TMEM178B: variants seen among roughly 807,000 people sequenced by gnomAD.
The protein encoded by TMEM178B is transmembrane protein 178B.
Under a neutral mutation model 31.0 loss-of-function variants are expected in TMEM178B, and 5 were observed. The observed-to-expected ratio is 0.16, with a 90% CI of 0.08 to 0.34. TMEM178B has a LOEUF of 0.34. Among genes scored for constraint, TMEM178B ranks in the 10% least tolerant of loss-of-function variants. TMEM178B has a pLI of 1.00. For synonymous variants in TMEM178B, 164 were observed against 164.0 expected, an observed-to-expected ratio of 1.00 and a Z score of 0.00; for missense variants, 275 against 400.3, an observed-to-expected ratio of 0.69 and a Z score of 2.67.
chr7:141,320,353 A>G (rs1232464133), intron 2 of TMEM178B, among the ~76,000 whole-genome samples: 2 of 152,226 alleles, frequency 1.3e-5, no homozygotes, highest in Non-Finnish European at 2.9e-5. Flanking sequence ...TTCATAACAC[A>G]TTGGCCATTA....
chr7:141,294,932 A>G (rs1331469520), intron 2 of TMEM178B, among the ~76,000 whole-genome samples: 1 of 152,074 alleles, frequency 6.6e-6, no homozygotes, highest in East Asian at 1.9e-4. Flanking sequence ...TCAGGCAAAC[A>G]TGGGCCCTTT....
At chr7:141,185,976 G>A (rs1261626746) in intron 1 of TMEM178B, among the ~76,000 whole-genome samples, 5 of 152,140 alleles carry the variant, frequency 3.3e-5, no homozygotes, top group Middle Eastern at 3.4e-3. Context: ...GTCCTTGATC[G>A]GCTCCTCCTG....
At chr7:141,356,047 T>C (rs1799812399) in intron 2 of TMEM178B, among the ~76,000 whole-genome samples, 1 of 152,252 alleles carries the variant, frequency 6.6e-6, no homozygotes, top group African/African-American at 2.4e-5. Flanking sequence ...CATGATTTCA[T>C]GCTTTTTTAT....
At chr7:141,435,418 C>T (rs925146460) in intron 2 of TMEM178B, among the ~76,000 whole-genome samples, 1 of 152,174 alleles carries the variant, frequency 6.6e-6, no homozygotes, top group Non-Finnish European at 1.5e-5. Context: ...AGTAGAGTAT[C>T]CCATTTCCAG....
chr7:141,352,402 GAGT>G (rs1799747304), intron 2 of TMEM178B: 1 of 145,336 alleles, frequency 6.9e-6, no homozygotes, highest in African/African-American at 2.6e-5. Flanking sequence ...TTTTGAGACC[GAGT>G]CTCACTCTGT....
chr7:141,098,028 G>A (rs148524349), intron 1 of TMEM178B, among the ~76,000 whole-genome samples: 68 of 152,092 alleles, frequency 4.5e-4, no homozygotes, highest in African/African-American at 1.6e-3. Flanking sequence ...CTGGGCTCAA[G>A]TGATCCACCT....
intron 1 of TMEM178B, among the ~76,000 whole-genome samples, chr7:141,089,227 G>T (rs950139693): frequency 6.6e-6 from 1 of 152,228 alleles, no homozygotes; most frequent in Non-Finnish European, 1.5e-5. Flanking sequence ...TGGTATTTGG[G>T]GATGAGGGGA....
the TMEM178B span, among the ~76,000 whole-genome samples, chr7:141,492,144 A>G: frequency 1.3e-5 from 2 of 152,054 alleles, no homozygotes; most frequent in Admixed American, 1.3e-4. Context: ...ACACCACCTC[A>G]GTCTAATTCC....
chr7:141,296,229 G>A (rs952449998), intron 2 of TMEM178B, among the ~76,000 whole-genome samples: 6 of 152,054 alleles, frequency 3.9e-5, no homozygotes, highest in Non-Finnish European at 7.4e-5. Flanking sequence ...CATCACGCTC[G>A]TCTAATTTTT....
intron 2 of TMEM178B, among the ~76,000 whole-genome samples, chr7:141,260,689 A>C (rs1797999667): frequency 6.6e-6 from 1 of 152,264 alleles, no homozygotes. Flanking sequence ...TTTTACTTGA[A>C]GATTTGGAGT....
chr7:141,184,130 A>T (rs1356769888), intron 1 of TMEM178B, among the ~76,000 whole-genome samples: 1 of 152,252 alleles, frequency 6.6e-6, no homozygotes, highest in Non-Finnish European at 1.5e-5. Context: ...CAATGAGAAC[A>T]GCAATTGGTT....
intron 3 of TMEM178B, among the ~76,000 whole-genome samples, chr7:141,462,147 T>C (rs542895252): frequency 9.9e-4 from 151 of 152,270 alleles, no homozygotes; most frequent in African/African-American, 3.4e-3. Flanking sequence ...GGGTAGCCAA[T>C]TGGACTCTCT....
At chr7:141,372,951 G>A (rs1800145750) in intron 2 of TMEM178B, among the ~76,000 whole-genome samples, 1 of 152,184 alleles carries the variant, frequency 6.6e-6, no homozygotes, top group African/African-American at 2.4e-5. Flanking sequence ...ATGGAAAAAA[G>A]GAGAGGGAAA....
intron 2 of TMEM178B, among the ~76,000 whole-genome samples, chr7:141,303,090 G>A (rs1798755138): frequency 6.6e-6 from 1 of 152,150 alleles, no homozygotes; most frequent in African/African-American, 2.4e-5. Context: ...TTGCAACTAG[G>A]TTCTTTCTCG....
At position 141,140,234 on chromosome 7, in the gene TMEM178B, G is replaced by A. The variant is rs553718170; in HGVS notation, c.382+65542G>A. Among the ~76,000 whole-genome samples, 5 of 152,264 alleles carry A rather than the reference G, an allele frequency of 3.3e-5. No individual in the cohort carries two copies. The East Asian group carries it at 9.7e-4, about 29-fold the overall frequency. On this transcript the variant is annotated intron_variant, in intron 1 of 3. Transcript: ENST00000565468. ...CTGCCAAGGTCCTTCCTGCCAGAGG[G>A]CCTTTGCATGAACTGTTTCCGAAGA...
At chr7:141,167,730 C>G (rs1688443233) in intron 1 of TMEM178B, among the ~76,000 whole-genome samples, 1 of 152,184 alleles carries the variant, frequency 6.6e-6, no homozygotes, top group African/African-American at 2.4e-5. Flanking sequence ...GATTCTGAGG[C>G]TGCTCTACCC....
chr7:141,413,680 T>G (rs1801044558), intron 2 of TMEM178B, among the ~76,000 whole-genome samples: 1 of 152,246 alleles, frequency 6.6e-6, no homozygotes, highest in East Asian at 1.9e-4. Flanking sequence ...AATGCCTCCA[T>G]GGAAGGACAG....
chr7:141,128,148 A>G (rs1795536223), intron 1 of TMEM178B, among the ~76,000 whole-genome samples: 1 of 152,202 alleles, frequency 6.6e-6, no homozygotes, highest in African/African-American at 2.4e-5. Flanking sequence ...AAGGGACACT[A>G]TTAATATTTA....
rs115428396 is a variant in TMEM178B, at chr7:141,314,196, C to A, written c.496+101492C>A. Reference sequence around the variant, plus strand: ...CTTGGGAACGTTTAACCCCTGCCAACTGGAATCAGTATTGCAGGGAAGAAA... The same window carrying A: ...CTTGGGAACGTTTAACCCCTGCCAAATGGAATCAGTATTGCAGGGAAGAAA... On this transcript the variant is annotated intron_variant, in intron 2 of 3. Transcript: ENST00000565468. Among the ~76,000 whole-genome samples, 796 of 152,310 alleles carry A rather than the reference C, an allele frequency of 5.2e-3. 6 individuals carry two copies. Among genetic ancestry groups the A allele is most frequent in the African/African-American group, 0.018 (763 of 41,568 alleles).
Sources: gnomAD v4.1 joint callset for allele counts (sites outside exome capture counted in the v4.1 genomes callset) on GRCh38, gnomAD v4.1.1 for gene constraint, MANE v1.5 for transcripts, NCBI Gene and HGNC (gene_info 2026-07-23, HGNC 2026-07-21) for gene names.